FLT3LG: variants seen among roughly 807,000 people sequenced by gnomAD.
The protein encoded by FLT3LG is fms-related tyrosine kinase 3 ligand.
Under a neutral mutation model 30.9 loss-of-function variants are expected in FLT3LG, and 8 were observed. That is an observed-to-expected ratio of 0.26 (90% CI 0.15 to 0.47). The LOEUF (loss-of-function observed/expected upper bound fraction) is 0.47, where lower values mean the gene tolerates loss of function less well. FLT3LG is among the 20% of genes least tolerant of loss of function. The pLI is 0.99. For missense variants in FLT3LG, 278 were observed against 306.2 expected, an observed-to-expected ratio of 0.91 and a Z score of 0.69; for synonymous variants, 123 against 135.9, an observed-to-expected ratio of 0.91 and a Z score of 0.66.
intron 8 of FLT3LG, among the ~76,000 whole-genome samples, chr19:49,483,973 C>T (rs2079706061): frequency 1.3e-5 from 2 of 151,478 alleles, no homozygotes; most frequent in African/African-American, 4.8e-5. Flanking sequence ...CAACCTCCGC[C>T]TCCCGGGTTC....
At chr19:49,477,318 C>G (rs1281683045) in intron 5 of FLT3LG, among the ~76,000 whole-genome samples, 2 of 151,974 alleles carry the variant, frequency 1.3e-5, no homozygotes, top group East Asian at 3.9e-4. Flanking sequence ...GTGGTGCCCA[C>G]CTGTGGTCCC....
intron 5 of FLT3LG, 102 bp from the exon 6 acceptor site, chr19:49,478,807 T>G: frequency 9.2e-7 from 1 of 1,088,856 alleles, no homozygotes; most frequent in Non-Finnish European, 1.2e-6. Flanking sequence ...CAGAGCTCAC[T>G]GGGCCCTGTT....
chr19:49,482,014 G>T (rs1020441269), intron 8 of FLT3LG: 2 of 151,676 alleles, frequency 1.3e-5, no homozygotes, highest in African/African-American at 4.8e-5. Context: ...TTCCACAAAT[G>T]AACTCACTTC....
At chr19:49,484,007 C>CCCCAGTAG (rs2079707665) in intron 8 of FLT3LG, among the ~76,000 whole-genome samples, 1 of 151,402 alleles carries the variant, frequency 6.6e-6, no homozygotes, top group Non-Finnish European at 1.5e-5. Flanking sequence ...GCCTCAGCCT[C>CCCCAGTAG]CCCAGTAGCT....
intron 8 of FLT3LG, chr19:49,481,080 G>C (rs2079593970): frequency 6.3e-6 from 1 of 157,918 alleles, no homozygotes; most frequent in Admixed American, 6.2e-5. Context: ...GGGCCACGGA[G>C]ACAGACTGGA....
At position 49,480,417 on chromosome 19, in the gene FLT3LG, G is replaced by A. The variant is rs748863027; in HGVS notation, c.601G>A (p.Ala201Thr). The A allele has an allele frequency of 3.7e-6, 6 of 1,604,378 alleles. No homozygotes were observed. Among genetic ancestry groups the A allele is most frequent in the East Asian group, 2.3e-5 (1 of 44,368 alleles). The change falls in exon 7 of 9, where the codon GCT (alanine) becomes ACT (threonine). Residue 201 changes from alanine (A) to threonine (T), a missense_variant. By Grantham distance (58) the Ala-to-Thr change is moderately conservative. This residue lies in a region of FLT3LG where 170 missense variants were observed against 162.0 expected (regional missense o/e 1.05). Coordinates refer to ENST00000597551, the MANE Select transcript of FLT3LG (RefSeq NM_001459.4). ...GCCCGTGGGCCTCCTGCTGCTGGCC[G>A]CTGCCTGGTGCCTGCACTGGCAGAG... ...LLPVGLLLLA[A>T]AWCLHWQRTR...
chr19:49,478,743 T>G (rs532978466), intron 5 of FLT3LG, among the ~76,000 whole-genome samples, 166 bp from the exon 6 acceptor site: 2 of 150,910 alleles, frequency 1.3e-5, no homozygotes, highest in South Asian at 2.1e-4. Flanking sequence ...GGCAACAGAG[T>G]GAGACTCTAT....
rs2079297778 is a variant in FLT3LG at position 49,474,268 on chromosome 19, CT to C, written c.-50del. On this transcript the variant is annotated 5_prime_UTR_variant, in exon 1 of 9. Transcript: ENST00000597551. ...CCGGCTTGGCCCCTTCCACACCCAA[CT>C]GGGGCAAGCCTGGTGCGTGAGGAGA... is the stretch of plus-strand genomic sequence containing the variant. 2.7e-6 allele frequency: 1 copy of C among 370,648 alleles called. No individual in the cohort carries two copies. Among genetic ancestry groups the C allele is most frequent in the Admixed American group, 4.4e-5 (1 of 22,704 alleles). 23.0% of individuals were successfully genotyped at this position (370,648 alleles called of 1,614,324 possible).
chr19:49,476,467 C>T lies in FLT3LG; in HGVS notation c.243C>T (p.Arg81=), dbSNP rs1211114921. 1.2e-6 allele frequency: 2 copies of T among 1,613,982 alleles called. No individual in the cohort carries two copies. The highest frequency in any genetic ancestry group is 2.2e-5 in the South Asian group (2 of 91,090). ...GGLWRLVLAQ[R]WMERLKTVAG... is the part of the protein sequence containing the mutation. ...TCTGGCGGCTGGTCCTGGCACAGCG[C>T]TGGATGGAGCGGCTCAAGACTGTCG... Residue 81 remains arginine, a synonymous_variant, in exon 5 of 9, where the codon CGC becomes CGT. Coordinates refer to ENST00000597551, the MANE Select transcript of FLT3LG (RefSeq NM_001459.4). This position sits in a 1 kb window ranked among gnomAD's most constrained non-coding sequence, Gnocchi z 5.3.
chr19:49,480,247 TC>T (rs1177836935), intron 6 of FLT3LG, 50 bp from the exon 7 acceptor site: 1 of 1,383,866 alleles, frequency 7.2e-7, no homozygotes, highest in Admixed American at 2.2e-5. Context: ...TCTCTTTCCT[TC>T]CTTACCCCAG....
chr19:49,478,935 C>A lies in FLT3LG; in HGVS notation c.369C>A (p.Val123=). The A allele has an allele frequency of 6.4e-7, 1 of 1,558,186 alleles. No homozygotes were observed. The highest frequency in any genetic ancestry group is 8.7e-7 in the Non-Finnish European group (1 of 1,151,028). ...CCCCCCCCAGCTGTCTTCGCTTCGT[C>A]CAGACCAACATCTCCCGCCTCCTGC... ...FQPPPSCLRF[V]QTNISRLLQE... Residue 123 remains valine (V), a synonymous_variant, in exon 6 of 9, where the codon GTC becomes GTA. Transcript: ENST00000597551.
intron 6 of FLT3LG, 35 bp downstream of exon 6, chr19:49,479,082 C>A: frequency 6.9e-6 from 11 of 1,582,964 alleles, no homozygotes; most frequent in Non-Finnish European, 9.5e-6. Flanking sequence ...TCCTTCCCCT[C>A]CTGTCCTCAC....
intron 5 of FLT3LG, among the ~76,000 whole-genome samples, chr19:49,478,183 A>G (rs1186496388): frequency 6.7e-6 from 1 of 150,024 alleles, no homozygotes; most frequent in Non-Finnish European, 1.5e-5. Context: ...TAAATAAATA[A>G]ATAGGCTGGG....
Position 49,476,464 on chromosome 19 carries a change from G to A in FLT3LG, c.240G>A (p.Gln80=). Residue 80 remains glutamine (Q), a synonymous_variant, in exon 5 of 9, where the codon CAG becomes CAA. Transcript: ENST00000597551. The surrounding 1 kb of genome is among the most constrained non-coding windows in gnomAD (Gnocchi z 5.3). ...CGGLWRLVLA[Q]RWMERLKTVA... is the part of the protein sequence containing the mutation. ...GCCTCTGGCGGCTGGTCCTGGCACA[G>A]CGCTGGATGGAGCGGCTCAAGACTG... 1.2e-6 allele frequency: 2 copies of A among 1,614,094 alleles called. No homozygotes were observed. The highest frequency in any genetic ancestry group is 1.6e-4 in the Middle Eastern group (1 of 6,062).
intron 2 of FLT3LG, among the ~76,000 whole-genome samples, chr19:49,475,263 G>A (rs1057028749): frequency 6.9e-6 from 1 of 144,718 alleles, no homozygotes; most frequent in African/African-American, 2.5e-5. Context: ...GAAAAGGGGG[G>A]AGATGGACAG....
At chr19:49,482,110 A>G (rs2079635008) in intron 8 of FLT3LG, 1 of 151,738 alleles carries the variant, frequency 6.6e-6, no homozygotes, top group South Asian at 2.1e-4. Flanking sequence ...GTGACAACCA[A>G]GATTTGACTT....
intron 5 of FLT3LG, among the ~76,000 whole-genome samples, chr19:49,478,610 T>TA (rs2079481087): frequency 6.6e-6 from 1 of 151,624 alleles, no homozygotes; most frequent in South Asian, 2.1e-4. Flanking sequence ...CCGTCTCTAC[T>TA]ACAAATACAA....
At position 49,484,589 on chromosome 19, in the gene FLT3LG, C is replaced by T. The variant is rs908538812; in HGVS notation, c.*22-1426C>T. On this transcript the variant is annotated intron_variant, in intron 8 of 8. Transcript: ENST00000597551. ...TCGGCTCACTGCAACATCTGCCTCC[C>T]GGGTTCAAGCGATTCTACTGCCTCA... Among the ~76,000 whole-genome samples the T allele has an allele frequency of 2.6e-5, 4 of 151,950 alleles. No individual in the cohort carries two copies. In the East Asian group the frequency reaches 5.8e-4, roughly 22 times the overall value.
chr19:49,477,642 T>G (rs968856402), intron 5 of FLT3LG, among the ~76,000 whole-genome samples: 1 of 152,016 alleles, frequency 6.6e-6, no homozygotes, highest in African/African-American at 2.4e-5. Flanking sequence ...CTTGGGAGAC[T>G]GAGGCAGGAG....
Sources: allele counts gnomAD v4.1 joint callset (sites outside exome capture counted in the v4.1 genomes callset), GRCh38; gene constraint gnomAD v4.1.1; regional missense constraint gnomAD v4.1.1; non-coding constraint Gnocchi (gnomAD v3.1); transcripts MANE v1.5; gene names NCBI Gene and HGNC (gene_info 2026-07-23, HGNC 2026-07-21).